The following GTPBP10 variants were observed in gnomAD, a reference collection of about 807,000 sequenced individuals.
The protein encoded by GTPBP10 is GTP-binding protein 10.
In GTPBP10, 38 loss-of-function variants were observed where a neutral mutation model predicts 44.8. That is an observed-to-expected ratio of 0.85 (90% CI 0.65 to 1.11). The LOEUF (loss-of-function observed/expected upper bound fraction) is 1.11, where lower values mean the gene tolerates loss of function less well. Among genes scored for constraint, GTPBP10 ranks in the 50% most tolerant of loss-of-function variants. The pLI, the probability that GTPBP10 is intolerant of heterozygous loss-of-function variation, is 0.00. For synonymous variants in GTPBP10, 152 were observed against 150.6 expected, an observed-to-expected ratio of 1.01 and a Z score of -0.07; for missense variants, 462 against 453.7, an observed-to-expected ratio of 1.02 and a Z score of -0.17.
chr7:90,372,053 C>A, intron 4 of GTPBP10, 102 bp from the exon 5 acceptor site: 2 of 654,142 alleles, frequency 3.1e-6, no homozygotes, highest in Non-Finnish European at 5.2e-6. Context: ...CATTTATATT[C>A]TACTTTTAAT....
chr7:90,350,548 T>C (rs1281392504), intron 1 of GTPBP10, among the ~76,000 whole-genome samples: 2 of 152,236 alleles, frequency 1.3e-5, no homozygotes, highest in Non-Finnish European at 2.9e-5. Flanking sequence ...TTCTTTAGCT[T>C]TAGATCCTTC....
At chr7:90,357,420 A>G (rs977025412) in intron 4 of GTPBP10, among the ~76,000 whole-genome samples, 4 of 152,204 alleles carry the variant, frequency 2.6e-5, no homozygotes, top group African/African-American at 7.2e-5. Context: ...TGAAAAAACT[A>G]TATGTTCCAG....
At chr7:90,369,732 C>A (rs751911477) in intron 4 of GTPBP10, among the ~76,000 whole-genome samples, 21 of 152,294 alleles carry the variant, frequency 1.4e-4, no homozygotes, top group Middle Eastern at 3.4e-3. Flanking sequence ...GTCACGACTT[C>A]CCTTGGCTAG....
At chr7:90,370,529 A>C (rs1281639794) in intron 4 of GTPBP10, among the ~76,000 whole-genome samples, 2 of 152,060 alleles carry the variant, frequency 1.3e-5, no homozygotes, top group Non-Finnish European at 2.9e-5. Flanking sequence ...TATAATGGAC[A>C]TTGGAGACTC....
At chr7:90,377,911 T>A (rs1796368956) in intron 7 of GTPBP10, 1 of 410,632 alleles carries the variant, frequency 2.4e-6, no homozygotes, top group African/African-American at 2.1e-5. Flanking sequence ...TCATACAAAT[T>A]GTCTTATCCT....
intron 4 of GTPBP10, chr7:90,371,091 A>G (rs928488602): frequency 2.1e-5 from 7 of 338,846 alleles, no homozygotes; most frequent in Non-Finnish European, 2.5e-5. Context: ...AAAAGTTGCA[A>G]AAGTTTAAAG....
rs1252531240 is a variant in GTPBP10 at position 90,390,889 on chromosome 7, C to G, written c.*5735C>G. ...AGACATGATTATAAGCTAAAATATG[C>G]CTTCGGTTTTGTGTGCTACAAATTG... On this transcript the variant is annotated 3_prime_UTR_variant, in exon 10 of 10. Coordinates refer to ENST00000222511, the MANE Select transcript of GTPBP10 (RefSeq NM_033107.4). The G allele has an allele frequency of 6.6e-6, 1 of 152,046 alleles. No individual in the cohort carries two copies. The highest frequency in any genetic ancestry group is 1.5e-5 in the Non-Finnish European group (1 of 68,014). The allele number at this position is 152,046 out of a possible 1,614,324, so 9.4% of individuals were successfully genotyped here. A position where few individuals can be genotyped will look rare whatever the true frequency, so the allele number is the denominator to read the frequency against.
chr7:90,367,696 C>G (rs1302112005), intron 4 of GTPBP10, among the ~76,000 whole-genome samples: 3 of 152,142 alleles, frequency 2.0e-5, no homozygotes, highest in Non-Finnish European at 2.9e-5. Context: ...GATGGGTCTC[C>G]TGAGTACAGT....
chr7:90,375,827 G>T (rs376080734), intron 6 of GTPBP10, among the ~76,000 whole-genome samples: 141 of 152,154 alleles, frequency 9.3e-4, no homozygotes, highest in African/African-American at 3.2e-3. Context: ...AATGATGAGT[G>T]ATGCTTAGGC....
Position 90,378,137 on chromosome 7 carries a change from G to A in GTPBP10, c.703G>A (p.Asp235Asn). ...TCTTTCCTTCTCTTTTTTTTAGGTT[G>A]ATATTTCTGGATTTCAGCTTTCTTC... ...ERTRQLLFVV[D>N]ISGFQLSSHT... Residue 235 changes from aspartate to asparagine, a missense_variant, in exon 8 of 10, where the codon GAT becomes AAT. Physicochemically the swap from Asp to Asn is conservative, Grantham distance 23. Transcript: ENST00000222511. 6.2e-7 allele frequency: 1 copy of A among 1,610,510 alleles called. No individual in the cohort carries two copies.
At chr7:90,380,076 T>C (rs972599646) in intron 8 of GTPBP10, among the ~76,000 whole-genome samples, 3 of 86,724 alleles carry the variant, frequency 3.5e-5, no homozygotes, top group Non-Finnish European at 7.2e-5. Flanking sequence ...TCCCTTCTCT[T>C]TTTTTTTTTT....
intron 1 of GTPBP10, 60 bp downstream of exon 1, chr7:90,346,834 C>T: frequency 6.4e-7 from 1 of 1,558,792 alleles, no homozygotes; most frequent in Non-Finnish European, 8.9e-7. Context: ...TTCTTCTTTG[C>T]TCCCCTGTCT....
chr7:90,375,747 C>T (rs925448355), intron 6 of GTPBP10, among the ~76,000 whole-genome samples: 5 of 151,928 alleles, frequency 3.3e-5, no homozygotes, highest in Non-Finnish European at 5.9e-5. Flanking sequence ...CTACACTGGG[C>T]AAGGGATGTC....
intron 6 of GTPBP10, among the ~76,000 whole-genome samples, chr7:90,375,187 G>A (rs1024703935): frequency 3.3e-5 from 5 of 151,862 alleles, no homozygotes; most frequent in Non-Finnish European, 7.4e-5. Context: ...AGGCAAAGCT[G>A]TGGAGACAGT....
chr7:90,386,580 G>A lies in GTPBP10; in HGVS notation c.*1426G>A, dbSNP rs575770823. On this transcript the variant is annotated 3_prime_UTR_variant, in exon 10 of 10. Transcript: ENST00000222511. ...CATGGTGGTGCAGGCCAGACATAGC[G>A]GTACATGCCTGTAATCCTAGCACTT... 1.3e-4 allele frequency: 20 copies of A among 152,122 alleles called. No individual in the cohort carries two copies. In the East Asian group the frequency reaches 2.9e-3, roughly 22 times the overall value. The allele number at this position is 152,122 out of a possible 1,614,324, so 9.4% of individuals were successfully genotyped here.
At chr7:90,359,300 C>T (rs997297533) in intron 4 of GTPBP10, among the ~76,000 whole-genome samples, 1 of 152,088 alleles carries the variant, frequency 6.6e-6, no homozygotes, top group Admixed American at 6.6e-5. Flanking sequence ...CCCCCAGACC[C>T]CCACCCCCTG....
chr7:90,376,546 A>G (rs893766999), intron 6 of GTPBP10, among the ~76,000 whole-genome samples: 5 of 152,242 alleles, frequency 3.3e-5, no homozygotes, highest in African/African-American at 1.2e-4. Flanking sequence ...ATGTAATGCC[A>G]TGAGATTTGC....
intron 8 of GTPBP10, among the ~76,000 whole-genome samples, chr7:90,379,038 C>A (rs1259595031): frequency 6.6e-6 from 1 of 152,090 alleles, no homozygotes; most frequent in African/African-American, 2.4e-5. Flanking sequence ...CATCGGACAT[C>A]TTCTTTGACT....
Position 90,384,849 on chromosome 7 carries a change from C to G in GTPBP10, c.902-43C>G, listed in dbSNP as rs776527786. On this transcript the variant is annotated intron_variant, in intron 9 of 9. Coordinates refer to ENST00000222511, the MANE Select transcript of GTPBP10 (RefSeq NM_033107.4). ...CATTAACATGGTTTTAACTAACTTTCGAAAACAATGGAAATCAGCTTTGTT... is the reference window on the plus strand; with the variant it reads ...CATTAACATGGTTTTAACTAACTTTGGAAAACAATGGAAATCAGCTTTGTT... 8 of 1,544,598 alleles carry G rather than the reference C, an allele frequency of 5.2e-6. No individual in the cohort carries two copies. The Admixed American group carries it at 8.3e-5, about 16-fold the overall frequency.
Sources: gnomAD v4.1 joint callset for allele counts (sites outside exome capture counted in the v4.1 genomes callset) on GRCh38, gnomAD v4.1.1 for gene constraint, MANE v1.5 for transcripts, NCBI Gene and HGNC (gene_info 2026-07-23, HGNC 2026-07-21) for gene names.